NLGN1: variants seen among roughly 807,000 people sequenced by gnomAD.
The protein encoded by NLGN1 is neuroligin-1.
NLGN1 carries 12 observed loss-of-function variants against 65.5 expected under a neutral mutation model. The observed-to-expected ratio is 0.18, with a 90% CI of 0.12 to 0.30. The LOEUF (loss-of-function observed/expected upper bound fraction) is 0.30. Ranked by LOEUF, NLGN1 falls within the 10% of genes least tolerant of loss-of-function variation. NLGN1 has a pLI of 1.00. For synonymous variants in NLGN1, 350 were observed against 359.5 expected (o/e 0.97, Z 0.30); for missense variants, 750 against 1,007.1 (o/e 0.74, Z 3.46).
chr3:174,029,247 C>G (rs566074366), intron 4 of NLGN1, among the ~76,000 whole-genome samples: 1 of 152,194 alleles, frequency 6.6e-6, no homozygotes, highest in East Asian at 1.9e-4. Context: ...TGGCTGTACC[C>G]TGCAAAACCA....
intron 4 of NLGN1, among the ~76,000 whole-genome samples, chr3:174,039,366 A>G (rs1204950062): frequency 2.6e-5 from 4 of 151,876 alleles, no homozygotes; most frequent in African/African-American, 9.7e-5. Flanking sequence ...TCAGTCCATC[A>G]TCTAGGTTTT....
intron 4 of NLGN1, among the ~76,000 whole-genome samples, chr3:174,167,105 AG>A (rs1355984856): frequency 8.5e-5 from 13 of 152,158 alleles, no homozygotes; most frequent in African/African-American, 2.9e-4. Context: ...TTTTGAAGAC[AG>A]AAGAAAGATG....
rs545570665 is a variant in NLGN1 at position 173,560,036 on chromosome 3, C to T, written c.-320-44243C>T. Among the ~76,000 whole-genome samples the T allele has an allele frequency of 1.4e-4, 21 of 151,250 alleles. No individual in the cohort carries two copies. In the East Asian group the frequency reaches 1.6e-3, roughly 11 times the overall value. The stretch of plus-strand genomic sequence containing the variant: ...TCAGCTCACTGCCAGCTCCGCCTTC[C>T]GGGTTCACGCCATTCTCCTGCCTCA... On this transcript the variant is annotated intron_variant, in intron 2 of 6. Transcript: ENST00000457714.
intron 4 of NLGN1, among the ~76,000 whole-genome samples, chr3:173,942,696 G>C (rs1311732479): frequency 6.6e-6 from 1 of 152,138 alleles, no homozygotes; most frequent in Non-Finnish European, 1.5e-5. Context: ...GAGAAAAGTT[G>C]TATTTGTTAT....
At chr3:174,226,354 T>C (rs1032177603) in intron 4 of NLGN1, among the ~76,000 whole-genome samples, 1 of 152,142 alleles carries the variant, frequency 6.6e-6, no homozygotes, top group African/African-American at 2.4e-5. Context: ...TCTTATACTG[T>C]GCCAAAGGCT....
At chr3:173,760,904 A>G (rs555523049) in intron 3 of NLGN1, among the ~76,000 whole-genome samples, 1 of 152,060 alleles carries the variant, frequency 6.6e-6, no homozygotes, top group Non-Finnish European at 1.5e-5. Flanking sequence ...TAGTATCACA[A>G]AAATCATCCC....
intron 4 of NLGN1, among the ~76,000 whole-genome samples, chr3:174,076,679 T>TAG (rs3979619): frequency 0.044 from 4,072 of 92,700 alleles, 88 homozygotes; most frequent in East Asian, 0.058. Context: ...TCTGGGACCA[T>TAG]AGAGAGAGAG....
intron 3 of NLGN1, among the ~76,000 whole-genome samples, chr3:173,610,211 G>A (rs531814296): frequency 6.6e-6 from 1 of 151,996 alleles, no homozygotes; most frequent in South Asian, 2.1e-4. Flanking sequence ...GGCTGTGAAA[G>A]AAAAGAAGAA....
intron 4 of NLGN1, among the ~76,000 whole-genome samples, chr3:173,904,331 T>C (rs527718414): frequency 9.9e-5 from 15 of 152,284 alleles, no homozygotes; most frequent in African/African-American, 3.4e-4. Context: ...ATTTAAGGCA[T>C]TGTGCTAGCT....
At chr3:174,070,321 A>C (rs1245168018) in intron 4 of NLGN1, among the ~76,000 whole-genome samples, 1 of 149,014 alleles carries the variant, frequency 6.7e-6, no homozygotes, top group East Asian at 2.0e-4. Flanking sequence ...ATACCTCACT[A>C]TCTCTGACTT....
At chr3:173,517,172 T>A (rs1262719993) in intron 2 of NLGN1, among the ~76,000 whole-genome samples, 1 of 152,094 alleles carries the variant, frequency 6.6e-6, no homozygotes, top group East Asian at 1.9e-4. Context: ...ATATGCACAT[T>A]GTTTTATAAT....
chr3:174,201,366 GGAAGGAAGGAAA>G (rs1453427630), intron 4 of NLGN1, among the ~76,000 whole-genome samples: 1 of 136,354 alleles, frequency 7.3e-6, no homozygotes, highest in Admixed American at 7.4e-5. Flanking sequence ...AAGGAAGGAA[GGAAGGAAGGAAA>G]GAAGGAAGGA....
At chr3:173,432,851 A>G (rs938946407) in intron 1 of NLGN1, among the ~76,000 whole-genome samples, 34 of 152,120 alleles carry the variant, frequency 2.2e-4, no homozygotes, top group African/African-American at 7.7e-4. Context: ...TTCCTTTTAG[A>G]GGATAATGAT....
intron 2 of NLGN1, among the ~76,000 whole-genome samples, chr3:173,523,814 G>C (rs1735171102): frequency 6.6e-6 from 1 of 151,312 alleles, no homozygotes; most frequent in Admixed American, 6.6e-5. Context: ...CATTTGATAG[G>C]AATTGCATTT....
chr3:174,259,707 A>C (rs1316386720), intron 4 of NLGN1, among the ~76,000 whole-genome samples: 1 of 150,356 alleles, frequency 6.7e-6, no homozygotes, highest in Non-Finnish European at 1.5e-5. Context: ...ATTATACTTT[A>C]GGTTTTAGGG....
chr3:173,690,664 C>T (rs1035675600), intron 3 of NLGN1, among the ~76,000 whole-genome samples: 2 of 152,130 alleles, frequency 1.3e-5, no homozygotes, highest in Non-Finnish European at 2.9e-5. Flanking sequence ...ATTCATGGAC[C>T]TTGGTAATCT....
At chr3:173,941,782 A>G (rs1014133565) in intron 4 of NLGN1, among the ~76,000 whole-genome samples, 8 of 152,018 alleles carry the variant, frequency 5.3e-5, no homozygotes, top group South Asian at 2.1e-4. Context: ...TCCTTCTGCA[A>G]TTATTCAGGA....
intron 4 of NLGN1, among the ~76,000 whole-genome samples, chr3:173,952,024 G>C (rs764448497): frequency 1.3e-5 from 2 of 152,130 alleles, no homozygotes; most frequent in Admixed American, 6.5e-5. Context: ...TATTGCACCT[G>C]ATATTGTAGC....
chr3:173,421,277 T>C (rs1714992575), intron 1 of NLGN1, among the ~76,000 whole-genome samples: 1 of 151,958 alleles, frequency 6.6e-6, no homozygotes, highest in Admixed American at 6.5e-5. Flanking sequence ...TTTGCAAGAG[T>C]ACAAGTGTCT....
Sources: gnomAD v4.1 joint callset for allele counts (sites outside exome capture counted in the v4.1 genomes callset) on GRCh38, gnomAD v4.1.1 for gene constraint, MANE v1.5 for transcripts, NCBI Gene and HGNC (gene_info 2026-07-23, HGNC 2026-07-21) for gene names.